The following FAM227B variants were observed in gnomAD, a reference collection of about 807,000 sequenced individuals.
FAM227B encodes the protein family with sequence similarity 227 member B, also known as protein FAM227B.
In FAM227B, 88 loss-of-function variants were observed where a neutral mutation model predicts 73.8. That is an observed-to-expected ratio of 1.19 (90% CI 1.00 to 1.42). The LOEUF (loss-of-function observed/expected upper bound fraction) is 1.42. Among genes scored for constraint, FAM227B ranks in the 40% most tolerant of loss-of-function variants. The probability of loss-of-function intolerance (pLI) is 0.00; values close to 1 mark genes in which losing one functional copy is unlikely to be tolerated. For missense variants in FAM227B, 632 were observed against 590.9 expected (o/e 1.07, Z -0.72); for synonymous variants, 210 against 190.5 (o/e 1.10, Z -0.84).
intron 11 of FAM227B, among the ~76,000 whole-genome samples, chr15:49,451,463 G>T (rs920682493): frequency 6.6e-6 from 1 of 152,040 alleles, no homozygotes; most frequent in African/African-American, 2.4e-5. Context: ...ATATATGTTT[G>T]CTTAAATCTA....
At chr15:49,549,279 C>T (rs1164681890) in intron 9 of FAM227B, among the ~76,000 whole-genome samples, 5 of 143,652 alleles carry the variant, frequency 3.5e-5, no homozygotes, top group South Asian at 2.2e-4. Context: ...TTAATTTCCA[C>T]GTTTACTTTC....
intron 11 of FAM227B, among the ~76,000 whole-genome samples, chr15:49,457,342 C>T (rs1273467861): frequency 6.6e-6 from 1 of 151,742 alleles, no homozygotes; most frequent in Non-Finnish European, 1.5e-5. Context: ...AGGTGGAATC[C>T]ATAGAAAGTG....
chr15:49,503,811 C>A (rs187540201), intron 11 of FAM227B, among the ~76,000 whole-genome samples: 181 of 152,310 alleles, frequency 1.2e-3, no homozygotes, highest in African/African-American at 4.1e-3. Context: ...AATAGAAACA[C>A]GTTTACACTG....
At chr15:49,346,892 T>G (rs2151272728) in intron 13 of FAM227B, among the ~76,000 whole-genome samples, 1 of 152,334 alleles carries the variant, frequency 6.6e-6, no homozygotes, top group Non-Finnish European at 1.5e-5. Context: ...AGCAGTTATA[T>G]TCTGTTTAAT....
chr15:49,465,079 A>T (rs979134664), intron 11 of FAM227B, among the ~76,000 whole-genome samples: 1 of 152,130 alleles, frequency 6.6e-6, no homozygotes, highest in Non-Finnish European at 1.5e-5. Flanking sequence ...ATAAGAACAG[A>T]GGCTTGGATA....
intron 13 of FAM227B, among the ~76,000 whole-genome samples, chr15:49,363,760 T>C (rs1271635649): frequency 6.6e-6 from 1 of 152,202 alleles, no homozygotes; most frequent in Non-Finnish European, 1.5e-5. Context: ...TTGTCATAGA[T>C]GGCTCTTATT....
Position 49,446,090 on chromosome 15 carries a change from A to G in FAM227B, c.1012+62121T>C, listed in dbSNP as rs1326238791. On this transcript the variant is annotated intron_variant, in intron 11 of 15. Transcript: ENST00000299338. The stretch of plus-strand genomic sequence containing the variant: ...ATAACAATGTTTTATTAAATAATTC[A>G]CTACCTTTTAAGTAAAGATGAAGTA... Among the ~76,000 whole-genome samples the G allele has an allele frequency of 6.6e-5, 10 of 151,732 alleles. 1 individual carries two copies. Among genetic ancestry groups the G allele is most frequent in the African/African-American group, 2.4e-4 (10 of 41,500 alleles).
intron 13 of FAM227B, among the ~76,000 whole-genome samples, chr15:49,350,007 T>C (rs1005416254): frequency 6.6e-6 from 1 of 152,196 alleles, no homozygotes; most frequent in East Asian, 1.9e-4. Flanking sequence ...TAAGGTAATA[T>C]GTAAACTCTT....
chr15:49,602,711 A>G (rs1330560518), intron 3 of FAM227B, among the ~76,000 whole-genome samples: 1 of 152,142 alleles, frequency 6.6e-6, no homozygotes, highest in Non-Finnish European at 1.5e-5. Flanking sequence ...TGCTCAAGAA[A>G]TCTTTGCCCA....
chr15:49,431,964 A>G (rs947154714), intron 11 of FAM227B, among the ~76,000 whole-genome samples: 2 of 151,742 alleles, frequency 1.3e-5, no homozygotes, highest in Non-Finnish European at 3.0e-5. Context: ...TGAAATGATA[A>G]TAAATTATTA....
intron 11 of FAM227B, among the ~76,000 whole-genome samples, chr15:49,413,553 T>C (rs1332091095): frequency 2.0e-5 from 3 of 152,100 alleles, no homozygotes; most frequent in Non-Finnish European, 4.4e-5. Context: ...GTCTAAGATA[T>C]AATCTCTGAC....
chr15:49,444,932 T>C (rs2052044448), intron 11 of FAM227B, among the ~76,000 whole-genome samples: 1 of 151,666 alleles, frequency 6.6e-6, no homozygotes, highest in South Asian at 2.1e-4. Flanking sequence ...GCTTTGTGTG[T>C]AAACTTAAAT....
chr15:49,542,301 G>C (rs1389327374), intron 9 of FAM227B, among the ~76,000 whole-genome samples: 1 of 151,812 alleles, frequency 6.6e-6, no homozygotes, highest in African/African-American at 2.4e-5. Flanking sequence ...GAAATTATTT[G>C]GGTTGGATTG....
intron 1 of FAM227B, among the ~76,000 whole-genome samples, chr15:49,618,383 C>T (rs2078433723): frequency 6.6e-6 from 1 of 152,164 alleles, no homozygotes; most frequent in South Asian, 2.1e-4. Context: ...AAAAAATCTA[C>T]TGGATTAACT....
intron 9 of FAM227B, among the ~76,000 whole-genome samples, chr15:49,556,280 T>C (rs1370613421): frequency 1.3e-5 from 2 of 152,138 alleles, no homozygotes; most frequent in South Asian, 2.1e-4. Flanking sequence ...AGGGGTTTAA[T>C]TGTTGTATAA....
At chr15:49,613,954 A>G (rs1688893053) in intron 2 of FAM227B, among the ~76,000 whole-genome samples, 1 of 152,208 alleles carries the variant, frequency 6.6e-6, no homozygotes, top group African/African-American at 2.4e-5. Context: ...TCACGATATA[A>G]TATCTCTAGC....
chr15:49,394,519 T>A (rs1046064631), intron 11 of FAM227B, among the ~76,000 whole-genome samples: 1 of 152,154 alleles, frequency 6.6e-6, no homozygotes, highest in African/African-American at 2.4e-5. Flanking sequence ...TCTGACAGAA[T>A]TAAGGCCGAT....
intron 8 of FAM227B, among the ~76,000 whole-genome samples, chr15:49,573,526 T>C (rs1157455704): frequency 6.6e-6 from 1 of 152,192 alleles, no homozygotes; most frequent in Non-Finnish European, 1.5e-5. Context: ...ATTACCCTCA[T>C]GAACAGATTA....
chr15:49,367,610 T>G lies in FAM227B; in HGVS notation c.1111-2A>C, dbSNP rs1354818627. ...TGGACCAGTACTACTATAGTGCGAC[T>G]GTAAGAGGAAGAAAATAATCAAGAC... On this transcript the variant is annotated splice_acceptor_variant, in intron 12 of 15. Coordinates refer to ENST00000299338, the MANE Select transcript of FAM227B (RefSeq NM_152647.3). LOFTEE classifies it high-confidence loss of function. The G allele has an allele frequency of 6.5e-7, 1 of 1,547,112 alleles. No individual in the cohort carries two copies. The highest frequency in any genetic ancestry group is 1.4e-5 in the African/African-American group (1 of 70,138).
Sources: allele counts gnomAD v4.1 joint callset (sites outside exome capture counted in the v4.1 genomes callset), GRCh38; gene constraint gnomAD v4.1.1; transcripts MANE v1.5; gene names NCBI Gene and HGNC (gene_info 2026-07-23, HGNC 2026-07-21).